Variants in TBC1D19 observed in about 807,000 individuals in gnomAD.
The protein encoded by TBC1D19 is TBC1 domain family, member 19.
A neutral mutation model predicts 89.0 loss-of-function variants in TBC1D19; 60 were observed. The observed-to-expected ratio is 0.67, with a 90% CI of 0.55 to 0.84. TBC1D19 has a LOEUF of 0.84. Among genes scored for constraint, TBC1D19 ranks in the 40% least tolerant of loss-of-function variants. The pLI is 0.00. For missense variants in TBC1D19, 500 were observed against 610.8 expected (o/e 0.82, Z 1.91); for synonymous variants, 189 against 199.7 (o/e 0.95, Z 0.45).
the TBC1D19 span, among the ~76,000 whole-genome samples, chr4:26,842,839 C>G: frequency 1.3e-5 from 2 of 151,924 alleles, no homozygotes; most frequent in Non-Finnish European, 2.9e-5. Context: ...GAAATATCAT[C>G]TCGACACACA....
At chr4:26,663,809 A>G (rs1163488011) in intron 8 of TBC1D19, among the ~76,000 whole-genome samples, 1 of 152,164 alleles carries the variant, frequency 6.6e-6, no homozygotes, top group Non-Finnish European at 1.5e-5. Flanking sequence ...CTGTGCGAGT[A>G]TTGAACTTGG....
intron 17 of TBC1D19, among the ~76,000 whole-genome samples, chr4:26,741,183 C>T (rs1342006400): frequency 2.0e-5 from 3 of 151,662 alleles, no homozygotes; most frequent in African/African-American, 7.3e-5. Context: ...GGTGAAACCC[C>T]GTCTCTACTA....
At chr4:26,630,077 T>C (rs1026812820) in intron 4 of TBC1D19, among the ~76,000 whole-genome samples, 15 of 151,738 alleles carry the variant, frequency 9.9e-5, no homozygotes, top group African/African-American at 3.4e-4. Context: ...TTGTTTAATA[T>C]ATGGTTTAAA....
the TBC1D19 span, among the ~76,000 whole-genome samples, chr4:26,778,213 A>G: frequency 5.3e-5 from 8 of 152,224 alleles, no homozygotes; most frequent in Middle Eastern, 6.8e-3. Context: ...CAGGAGTTTG[A>G]GACCATCCTG....
intron 19 of TBC1D19, among the ~76,000 whole-genome samples, chr4:26,751,879 A>T (rs1049672837): frequency 1.2e-4 from 19 of 152,224 alleles, no homozygotes; most frequent in Non-Finnish European, 1.6e-4. Flanking sequence ...AGCCATTCTG[A>T]TAGACAGCAG....
At chr4:26,770,010 C>A in the TBC1D19 span, among the ~76,000 whole-genome samples, 1 of 146,810 alleles carries the variant, frequency 6.8e-6, no homozygotes. Flanking sequence ...AATATGTTTT[C>A]AAAAGATGGT....
At chr4:26,713,452 A>G (rs1716341643) in intron 13 of TBC1D19, among the ~76,000 whole-genome samples, 1 of 152,076 alleles carries the variant, frequency 6.6e-6, no homozygotes, top group Non-Finnish European at 1.5e-5. Flanking sequence ...GTGAAATACT[A>G]GAGATGTTCC....
At chr4:26,779,877 G>A in the TBC1D19 span, among the ~76,000 whole-genome samples, 1 of 152,162 alleles carries the variant, frequency 6.6e-6, no homozygotes, top group East Asian at 1.9e-4. Context: ...AGGTTGTGTG[G>A]GACTTGTCGA....
At chr4:26,781,058 A>G in the TBC1D19 span, among the ~76,000 whole-genome samples, 1 of 152,082 alleles carries the variant, frequency 6.6e-6, no homozygotes, top group Admixed American at 6.5e-5. Flanking sequence ...CTCACTTACT[A>G]TTTTCAGTGT....
chr4:26,848,562 G>C, the TBC1D19 span, among the ~76,000 whole-genome samples: 3 of 152,178 alleles, frequency 2.0e-5, no homozygotes, highest in African/African-American at 7.2e-5. Context: ...TGAGACAAAA[G>C]AGTAAACTGT....
chr4:26,731,765 G>A (rs1330343844), intron 15 of TBC1D19, among the ~76,000 whole-genome samples: 1 of 152,152 alleles, frequency 6.6e-6, no homozygotes, highest in Non-Finnish European at 1.5e-5. Context: ...TGTCATCAAT[G>A]CCGTGGTAGA....
chr4:26,653,477 A>G (rs1482632049), intron 7 of TBC1D19, among the ~76,000 whole-genome samples: 1 of 152,046 alleles, frequency 6.6e-6, no homozygotes, highest in Non-Finnish European at 1.5e-5. Flanking sequence ...GTGGGGTGTT[A>G]AAGTCTCCCA....
At chr4:26,578,205 CAGT>C (rs1292831279) in intron 1 of TBC1D19, among the ~76,000 whole-genome samples, 1 of 152,200 alleles carries the variant, frequency 6.6e-6, no homozygotes, top group Non-Finnish European at 1.5e-5. Context: ...GCCAGTTATG[CAGT>C]AGAGCTCCTT....
At chr4:26,599,795 G>T (rs920680369) in intron 1 of TBC1D19, among the ~76,000 whole-genome samples, 2 of 151,710 alleles carry the variant, frequency 1.3e-5, no homozygotes, top group Non-Finnish European at 2.9e-5. Flanking sequence ...GAGTACAAAA[G>T]AAATTAGCTG....
rs869124166 is a variant in TBC1D19 at position 26,590,796 on chromosome 4, G to GTTTTTTTTTTTTTTTTTTT, written c.99+6517_99+6535dup. On this transcript the variant is annotated intron_variant, in intron 1 of 20. Coordinates refer to ENST00000264866, the MANE Select transcript of TBC1D19 (RefSeq NM_018317.4). ...GGTTCACTCTTTGTCTTGCAGGTCT[G>GTTTTTTTTTTTTTTTTTTT]TTTTTTTTTTTTTTTTTTTTTTTTT... is the stretch of plus-strand genomic sequence containing the variant. Among the ~76,000 whole-genome samples, 83 of 52,960 alleles carry GTTTTTTTTTTTTTTTTTTT rather than the reference G, an allele frequency of 1.6e-3. 9 individuals carry two copies. The highest frequency in any genetic ancestry group is 2.5e-3 in the South Asian group (3 of 1,198). 34.7% of individuals were successfully genotyped at this position (52,960 alleles called of 152,430 possible). A position where few individuals can be genotyped will look rare whatever the true frequency, so the allele number is the denominator to read the frequency against.
chr4:26,672,266 A>C, intron 10 of TBC1D19, 79 bp downstream of exon 10: 1 of 1,145,638 alleles, frequency 8.7e-7, no homozygotes. Flanking sequence ...GATAACCTCC[A>C]GGTGAAATTT....
At chr4:26,584,432 CAA>C in intron 1 of TBC1D19, 140 bp downstream of exon 1, 1 of 683,904 alleles carries the variant, frequency 1.5e-6, no homozygotes, top group East Asian at 2.8e-5. Flanking sequence ...CAGACAAAAA[CAA>C]AAACAAAAAC....
At chr4:26,703,209 A>G (rs1715469076) in intron 13 of TBC1D19, among the ~76,000 whole-genome samples, 1 of 152,222 alleles carries the variant, frequency 6.6e-6, no homozygotes, top group Admixed American at 6.5e-5. Flanking sequence ...TTTTCCTTAT[A>G]TGGATAATTA....
Position 26,585,821 on chromosome 4 carries a change from G to T in TBC1D19, c.99+1529G>T, listed in dbSNP as rs188426979. On this transcript the variant is annotated intron_variant, in intron 1 of 20. Transcript: ENST00000264866. ...GCTGGTCTTGAACTCCTGATCTCAA[G>T]TGATCTGCCTGCCTCAGGCTCCCAA... Among the ~76,000 whole-genome samples, 350 of 152,110 alleles carry T rather than the reference G, an allele frequency of 2.3e-3. 3 individuals are homozygous for T. The highest frequency in any genetic ancestry group is 6.4e-3 in the African/African-American group (267 of 41,494).
Sources: allele counts gnomAD v4.1 joint callset (sites outside exome capture counted in the v4.1 genomes callset), GRCh38; gene constraint gnomAD v4.1.1; transcripts MANE v1.5; gene names NCBI Gene and HGNC (gene_info 2026-07-23, HGNC 2026-07-21).